The following MAF variants were observed in gnomAD, a reference collection of about 807,000 sequenced individuals.
MAF encodes the protein MAF bZIP transcription factor, also known as transcription factor Maf.
A neutral mutation model predicts 22.0 loss-of-function variants in MAF; 10 were observed. That is an observed-to-expected ratio of 0.45 (90% confidence interval 0.28 to 0.77). The LOEUF (loss-of-function observed/expected upper bound fraction) is 0.77, where lower values mean the gene tolerates loss of function less well. Ranked by LOEUF, MAF falls within the 30% of genes least tolerant of loss-of-function variation. MAF has a pLI of 0.12. For missense variants in MAF, 544 were observed against 548.4 expected, an observed-to-expected ratio of 0.99 and a Z score of 0.08; for synonymous variants, 337 against 255.8, an observed-to-expected ratio of 1.32 and a Z score of -3.03.
the MAF span, among the ~76,000 whole-genome samples, chr16:79,450,475 A>G: frequency 6.6e-6 from 1 of 152,202 alleles, no homozygotes; most frequent in South Asian, 2.1e-4. Flanking sequence ...TTAATTCATG[A>G]GTTGCTGTAA....
chr16:79,215,535 T>A, the MAF span, among the ~76,000 whole-genome samples: 1 of 152,168 alleles, frequency 6.6e-6, no homozygotes, highest in South Asian at 2.1e-4. Flanking sequence ...GAGGACATGC[T>A]GGCCTCCTGC....
At chr16:79,535,824 G>A in the MAF span, among the ~76,000 whole-genome samples, 15 of 151,980 alleles carry the variant, frequency 9.9e-5, no homozygotes, top group Non-Finnish European at 1.9e-4. Context: ...CCCCGCCTTG[G>A]CCTCCCAAAG....
At chr16:79,304,759 A>C in the MAF span, among the ~76,000 whole-genome samples, 1 of 152,208 alleles carries the variant, frequency 6.6e-6, no homozygotes. Flanking sequence ...AGGGACCAAA[A>C]GGGACTAAAT....
chr16:79,385,092 A>G, the MAF span, among the ~76,000 whole-genome samples: 19 of 152,216 alleles, frequency 1.2e-4, no homozygotes, highest in African/African-American at 4.6e-4. Context: ...GGAGATTGCT[A>G]GACATAGGTG....
At chr16:79,365,617 T>A in the MAF span, among the ~76,000 whole-genome samples, 1 of 152,092 alleles carries the variant, frequency 6.6e-6, no homozygotes, top group Non-Finnish European at 1.5e-5. Flanking sequence ...TAGGGGTCTG[T>A]GACCTGGTCT....
the MAF span, among the ~76,000 whole-genome samples, chr16:79,522,508 T>C: frequency 6.6e-6 from 1 of 152,130 alleles, no homozygotes; most frequent in Non-Finnish European, 1.5e-5. Context: ...TCAATAGACA[T>C]AGGGTGACTA....
the MAF span, among the ~76,000 whole-genome samples, chr16:79,454,123 C>T: frequency 6.6e-6 from 1 of 152,098 alleles, no homozygotes; most frequent in Non-Finnish European, 1.5e-5. Flanking sequence ...ATGATTCGTT[C>T]CCATTTTAGG....
At chr16:79,500,081 CT>C in the MAF span, among the ~76,000 whole-genome samples, 1 of 152,210 alleles carries the variant, frequency 6.6e-6, no homozygotes, top group Non-Finnish European at 1.5e-5. Flanking sequence ...AGCACCGGAC[CT>C]TTGCCTGGAG....
chr16:79,321,422 A>G, the MAF span, among the ~76,000 whole-genome samples: 1 of 152,198 alleles, frequency 6.6e-6, no homozygotes, highest in Admixed American at 6.5e-5. Flanking sequence ...TTTTATCCAG[A>G]GGAAGAGAGG....
At chr16:79,493,258 C>G in the MAF span, among the ~76,000 whole-genome samples, 13 of 152,226 alleles carry the variant, frequency 8.5e-5, no homozygotes, top group African/African-American at 2.9e-4. Flanking sequence ...TCTCGACTCA[C>G]TACAACCTTT....
chr16:79,405,383 G>A, the MAF span, among the ~76,000 whole-genome samples: 1 of 152,138 alleles, frequency 6.6e-6, no homozygotes, highest in Non-Finnish European at 1.5e-5. Flanking sequence ...AGAAATGAAG[G>A]ACTCCCAGAA....
chr16:79,546,731 A>C, the MAF span, among the ~76,000 whole-genome samples: 1 of 152,156 alleles, frequency 6.6e-6, no homozygotes, highest in Non-Finnish European at 1.5e-5. Context: ...CCGCCTCTAT[A>C]AATGGGAAAA....
the MAF span, among the ~76,000 whole-genome samples, chr16:79,445,095 A>G: frequency 6.6e-6 from 1 of 152,044 alleles, no homozygotes; most frequent in Non-Finnish European, 1.5e-5. Context: ...GTGCAGCGGC[A>G]CAATCTCGGC....
At chr16:79,387,032 C>A in the MAF span, among the ~76,000 whole-genome samples, 3 of 152,144 alleles carry the variant, frequency 2.0e-5, no homozygotes, top group Non-Finnish European at 4.4e-5. Context: ...TAGATTTTCC[C>A]AGAATAACTG....
chr16:79,403,696 C>T, the MAF span, among the ~76,000 whole-genome samples: 1 of 152,294 alleles, frequency 6.6e-6, no homozygotes, highest in Admixed American at 6.5e-5. Context: ...ACTTGGTCTC[C>T]TATATGGACT....
chr16:79,320,908 A>G, the MAF span, among the ~76,000 whole-genome samples: 1 of 152,220 alleles, frequency 6.6e-6, no homozygotes, highest in Non-Finnish European at 1.5e-5. Context: ...AAAGATGAGC[A>G]GAGTGACGTT....
chr16:79,352,722 T>C, the MAF span, among the ~76,000 whole-genome samples: 2 of 152,240 alleles, frequency 1.3e-5, no homozygotes, highest in African/African-American at 2.4e-5. Context: ...GCCTCAGTGC[T>C]ATGGGCATTT....
chr16:79,451,369 A>G, the MAF span, among the ~76,000 whole-genome samples: 1 of 152,342 alleles, frequency 6.6e-6, no homozygotes, highest in Middle Eastern at 3.4e-3. Flanking sequence ...GCAGAGGGCT[A>G]TACAAAGGGA....
chr16:79,467,937 C>CGGGG, the MAF span, among the ~76,000 whole-genome samples: 1 of 150,354 alleles, frequency 6.7e-6, no homozygotes, highest in African/African-American at 2.5e-5. Context: ...GGGTGGTGGT[C>CGGGG]GTGGGGGGGT....
Sources: allele counts gnomAD v4.1 joint callset (sites outside exome capture counted in the v4.1 genomes callset), GRCh38; gene constraint gnomAD v4.1.1; transcripts MANE v1.5; gene names NCBI Gene and HGNC (gene_info 2026-07-23, HGNC 2026-07-21).